PMAIP1: variants seen among roughly 807,000 people sequenced by gnomAD.
The protein encoded by PMAIP1 is PMA-induced protein 1.
In PMAIP1, 3 loss-of-function variants were observed where a neutral mutation model predicts 3.7. The observed-to-expected ratio is 0.82, with a 90% CI of 0.37 to 2.12. The LOEUF (loss-of-function observed/expected upper bound fraction) is 2.12. Ranked by LOEUF, PMAIP1 falls within the 30% of genes most tolerant of loss-of-function variation. The pLI is 0.06. For missense variants in PMAIP1, 77 were observed against 67.1 expected (o/e 1.15, Z -0.52); for synonymous variants, 29 against 26.2 (o/e 1.11, Z -0.32).
intron 1 of PMAIP1, chr18:59,900,682 A>C: frequency 8.2e-7 from 1 of 1,226,324 alleles, no homozygotes; most frequent in Non-Finnish European, 1.1e-6. Context: ...CGGCCCCACA[A>C]GGGCCCCTGT....
chr18:59,900,357 T>A (rs1399889657), intron 1 of PMAIP1, 122 bp downstream of exon 1: 1 of 1,531,622 alleles, frequency 6.5e-7, no homozygotes. Flanking sequence ...GGGGTCAAGG[T>A]CGGGCCAGGT....
intron 1 of PMAIP1, chr18:59,900,546 C>T (rs2055757040): frequency 6.4e-7 from 1 of 1,550,430 alleles, no homozygotes; most frequent in African/African-American, 1.4e-5. Context: ...CGCCACTTGC[C>T]CTTCCCCGGG....
Position 59,902,943 on chromosome 18 carries a change from C to T in PMAIP1, c.*190C>T. 2 of 915,882 alleles carry T rather than the reference C, an allele frequency of 2.2e-6. No individual in the cohort carries two copies. The highest frequency in any genetic ancestry group is 3.4e-6 in the Non-Finnish European group (2 of 588,090). The allele number at this position is 915,882 out of a possible 1,614,324, so 56.7% of individuals were successfully genotyped here. Reference sequence around the variant, plus strand: ...GTTCAAGTTTTCCCAGATTATCATTCTTTGGGATGAGAGAACATTATAAAA... The same window carrying T: ...GTTCAAGTTTTCCCAGATTATCATTTTTTGGGATGAGAGAACATTATAAAA... On this transcript the variant is annotated 3_prime_UTR_variant, in exon 2 of 2. Transcript: ENST00000316660.
rs757847496 is a variant in PMAIP1 at position 59,900,258 on chromosome 18, G to A, written c.58+23G>A. On this transcript the variant is annotated intron_variant, in intron 1 of 1. Transcript: ENST00000316660. The stretch of plus-strand genomic sequence containing the variant: ...CAGGTACCGACCCGCTGGGGCCAGC[G>A]AAGACCCAGGCCGGGCGGGGTCGGG... The A allele has an allele frequency of 2.3e-5, 36 of 1,539,952 alleles. 1 individual carries two copies. The East Asian group carries it at 8.5e-4, about 36-fold the overall frequency.
chr18:59,900,808 C>T (rs2055760732), intron 1 of PMAIP1: 1 of 531,494 alleles, frequency 1.9e-6, no homozygotes, highest in Non-Finnish European at 3.4e-6. Flanking sequence ...GCACTCCCCA[C>T]CCCGATACAT....
chr18:59,900,562 G>A (rs2055757209), intron 1 of PMAIP1: 1 of 1,550,390 alleles, frequency 6.4e-7, no homozygotes, highest in Non-Finnish European at 8.7e-7. Flanking sequence ...CCGGGGCCAC[G>A]AGGAACAAGT....
intron 1 of PMAIP1, among the ~76,000 whole-genome samples, chr18:59,902,187 G>T (rs551258083): frequency 6.6e-6 from 1 of 152,340 alleles, no homozygotes; most frequent in Non-Finnish European, 1.5e-5. Context: ...CTACTTGAAA[G>T]CCACACAGAA....
At chr18:59,902,274 T>C (rs1382886048) in intron 1 of PMAIP1, among the ~76,000 whole-genome samples, 2 of 152,242 alleles carry the variant, frequency 1.3e-5, no homozygotes, top group African/African-American at 4.8e-5. Context: ...CTTATGCTAC[T>C]CTTTGTAGCA....
chr18:59,900,020 T>G lies in PMAIP1; in HGVS notation c.-158T>G. ...CAGAGTTTCCCGGGCACTCACCGTGTGTAGTTGGCATCTCCGCGCGTCCGG... is the reference window on the plus strand; with the variant it reads ...CAGAGTTTCCCGGGCACTCACCGTGGGTAGTTGGCATCTCCGCGCGTCCGG... On this transcript the variant is annotated 5_prime_UTR_variant, in exon 1 of 2. Coordinates refer to ENST00000316660, the MANE Select transcript of PMAIP1 (RefSeq NM_021127.3). 2.0e-5 allele frequency: 12 copies of G among 613,688 alleles called. No homozygotes were observed. Among genetic ancestry groups the G allele is most frequent in the Non-Finnish European group, 2.4e-5 (9 of 374,786 alleles). The allele number at this position is 613,688 out of a possible 1,614,324, so 38.0% of individuals were successfully genotyped here.
At chr18:59,902,578 A>G (rs762832538) in intron 1 of PMAIP1, 69 bp from the exon 2 acceptor site, 8 of 1,333,518 alleles carry the variant, frequency 6.0e-6, no homozygotes, top group Non-Finnish European at 8.6e-6. Flanking sequence ...GTGTGGGCGT[A>G]TTAGGTTTTG....
Position 59,902,645 on chromosome 18 carries a change from A to T in PMAIP1, c.59-2A>T. ...ATGTCCATGTTTTGCTTTCCTTCTC[A>T]GAGCTGGAAGTCGAGTGTGCTACTC... On this transcript the variant is annotated splice_acceptor_variant, in intron 1 of 1. Coordinates refer to ENST00000316660, the MANE Select transcript of PMAIP1 (RefSeq NM_021127.3). LOFTEE classifies it high-confidence loss of function. 1 of 1,613,874 alleles carries T rather than the reference A, an allele frequency of 6.2e-7. No homozygotes were observed.
At chr18:59,901,688 A>AT (rs1163497266) in intron 1 of PMAIP1, among the ~76,000 whole-genome samples, 1 of 152,164 alleles carries the variant, frequency 6.6e-6, no homozygotes, top group Admixed American at 6.5e-5. Context: ...TGTAATCATG[A>AT]TTTTTTAATG....
Position 59,902,842 on chromosome 18 carries a change from T to C in PMAIP1, c.*89T>C. 6.3e-7 allele frequency: 1 copy of C among 1,596,504 alleles called. No individual in the cohort carries two copies. Among genetic ancestry groups the C allele is most frequent in the Non-Finnish European group, 8.5e-7 (1 of 1,169,818 alleles). ...ATCAATTTGAAGAAAGACTGCATTG[T>C]AATTGAGAGGAATGTGAAGGTGCAT... is the stretch of plus-strand genomic sequence containing the variant. On this transcript the variant is annotated 3_prime_UTR_variant, in exon 2 of 2. Coordinates refer to ENST00000316660, the MANE Select transcript of PMAIP1 (RefSeq NM_021127.3).
intron 1 of PMAIP1, chr18:59,900,689 C>T: frequency 1.8e-6 from 2 of 1,139,438 alleles, no homozygotes; most frequent in African/African-American, 1.6e-5. Flanking sequence ...ACAAGGGCCC[C>T]TGTGTTCAGG....
In PMAIP1 at chr18:59,902,799, T is replaced by G; in HGVS notation, c.*46T>G. ...AGGGGACTCCTTCAAAAGAGTTTTCTCAGGAGGTGCACGTTTCATCAATTT... is the reference window on the plus strand; with the variant it reads ...AGGGGACTCCTTCAAAAGAGTTTTCGCAGGAGGTGCACGTTTCATCAATTT... On this transcript the variant is annotated 3_prime_UTR_variant, in exon 2 of 2. Transcript: ENST00000316660. The G allele has an allele frequency of 6.2e-7, 1 of 1,613,884 alleles. No individual in the cohort carries two copies. Among genetic ancestry groups the G allele is most frequent in the South Asian group, 1.1e-5 (1 of 91,060 alleles).
rs1441951578 is a variant in PMAIP1, at chr18:59,903,126, G to A, written c.*373G>A. 1.0e-5 allele frequency: 5 copies of A among 490,562 alleles called. No individual in the cohort carries two copies. Among genetic ancestry groups the A allele is most frequent in the East Asian group, 3.6e-5 (1 of 27,938 alleles). 30.4% of individuals were successfully genotyped at this position (490,562 alleles called of 1,614,324 possible). A position where few individuals can be genotyped will look rare whatever the true frequency, so the allele number is the denominator to read the frequency against. ...GAGATGACCTGTGATTAGACTGGGC[G>A]GCTGGGGAGAAACAGTTCAGTGCAT... On this transcript the variant is annotated 3_prime_UTR_variant, in exon 2 of 2. Coordinates refer to ENST00000316660, the MANE Select transcript of PMAIP1 (RefSeq NM_021127.3).
Position 59,902,845 on chromosome 18 carries a change from T to C in PMAIP1, c.*92T>C. ...AATTTGAAGAAAGACTGCATTGTAA[T>C]TGAGAGGAATGTGAAGGTGCATTCA... On this transcript the variant is annotated 3_prime_UTR_variant, in exon 2 of 2. Coordinates refer to ENST00000316660, the MANE Select transcript of PMAIP1 (RefSeq NM_021127.3). 6.3e-7 allele frequency: 1 copy of C among 1,592,796 alleles called. No homozygotes were observed. Among genetic ancestry groups the C allele is most frequent in the Non-Finnish European group, 8.6e-7 (1 of 1,167,794 alleles).
chr18:59,900,170 CGGCG>C lies in PMAIP1; in HGVS notation c.-6_-3del, dbSNP rs1403582770. The C allele has an allele frequency of 1.9e-6, 3 of 1,558,006 alleles. No homozygotes were observed. In the South Asian group the frequency reaches 3.5e-5, roughly 18 times the overall value. On this transcript the variant is annotated 5_prime_UTR_variant, in exon 1 of 2. Coordinates refer to ENST00000316660, the MANE Select transcript of PMAIP1 (RefSeq NM_021127.3). ...TCTGTAGCTGAGTGGGCGGCGGCAC[CGGCG>C]GAGATGCCTGGGAAGAAGGCGCGCA... is the stretch of plus-strand genomic sequence containing the variant.
chr18:59,901,659 A>G (rs994555891), intron 1 of PMAIP1, among the ~76,000 whole-genome samples: 1 of 152,216 alleles, frequency 6.6e-6, no homozygotes, highest in Non-Finnish European at 1.5e-5. Flanking sequence ...CGATTTATAA[A>G]ATAGACCAGA....
Sources: allele counts gnomAD v4.1 joint callset (sites outside exome capture counted in the v4.1 genomes callset), GRCh38; gene constraint gnomAD v4.1.1; transcripts MANE v1.5; gene names NCBI Gene and HGNC (gene_info 2026-07-23, HGNC 2026-07-21).